Variants in NAALADL2 observed in about 807,000 individuals in gnomAD.
NAALADL2 encodes the protein inactive N-acetylated-alpha-linked acidic dipeptidase-like protein 2.
NAALADL2 carries 76 observed loss-of-function variants against 87.2 expected under a neutral mutation model. The ratio of observed to expected loss-of-function variants is 0.87; its 90% CI spans 0.72 to 1.05. NAALADL2 has a LOEUF of 1.05. Ranked by LOEUF, NAALADL2 falls within the 50% of genes least tolerant of loss-of-function variation. NAALADL2 has a pLI of 0.00. For missense variants in NAALADL2, 1,089 were observed against 945.8 expected (o/e 1.15, Z -1.99); for synonymous variants, 354 against 331.0 (o/e 1.07, Z -0.75).
intron 2 of NAALADL2, among the ~76,000 whole-genome samples, chr3:174,721,052 A>C (rs1206769769): frequency 6.6e-6 from 1 of 152,008 alleles, no homozygotes; most frequent in Non-Finnish European, 1.5e-5. Context: ...ATAATATATC[A>C]TTTTTGAGTA....
chr3:175,219,901 G>A (rs1458758819), intron 2 of NAALADL2, among the ~76,000 whole-genome samples: 1 of 143,336 alleles, frequency 7.0e-6, no homozygotes, highest in African/African-American at 2.6e-5. Flanking sequence ...TTCAACAAGT[G>A]TATTTGATAT....
intron 2 of NAALADL2, among the ~76,000 whole-genome samples, chr3:174,729,634 T>G (rs528140952): frequency 7.9e-4 from 120 of 152,152 alleles, no homozygotes; most frequent in African/African-American, 2.8e-3. Flanking sequence ...ACTATGCAAA[T>G]TTTACAAAGC....
chr3:174,600,675 G>C (rs1230902693), intron 2 of NAALADL2, among the ~76,000 whole-genome samples: 1 of 152,116 alleles, frequency 6.6e-6, no homozygotes, highest in Non-Finnish European at 1.5e-5. Context: ...GGCTGTACAG[G>C]AACTATGGCT....
chr3:174,850,480 T>C (rs1325356029), intron 3 of NAALADL2, among the ~76,000 whole-genome samples: 1 of 152,140 alleles, frequency 6.6e-6, no homozygotes, highest in Non-Finnish European at 1.5e-5. Flanking sequence ...GTATTTATGT[T>C]AGATAAAATA....
At chr3:175,601,446 T>C (rs966916354) in intron 10 of NAALADL2, among the ~76,000 whole-genome samples, 2 of 152,204 alleles carry the variant, frequency 1.3e-5, no homozygotes, top group African/African-American at 4.8e-5. Context: ...CCACTTTATT[T>C]TGATAAAGTG....
intron 2 of NAALADL2, among the ~76,000 whole-genome samples, chr3:174,552,795 C>CAAAAAAAA (rs1164243901): frequency 3.0e-4 from 17 of 55,994 alleles, no homozygotes; most frequent in African/African-American, 7.8e-4. Context: ...GACCCTGCCT[C>CAAAAAAAA]AAAAAAAAAA....
At chr3:174,798,055 A>C (rs1718351471) in intron 3 of NAALADL2, among the ~76,000 whole-genome samples, 1 of 152,158 alleles carries the variant, frequency 6.6e-6, no homozygotes, top group African/African-American at 2.4e-5. Context: ...TGGAAGACCA[A>C]CTGTGTTCTC....
chr3:175,165,735 T>A (rs1391097281), intron 2 of NAALADL2, among the ~76,000 whole-genome samples: 1 of 152,144 alleles, frequency 6.6e-6, no homozygotes, highest in Non-Finnish European at 1.5e-5. Context: ...GCACATACCC[T>A]GTCATGGGAT....
chr3:175,539,451 AAAC>A (rs140032635), intron 9 of NAALADL2, among the ~76,000 whole-genome samples: 1 of 152,314 alleles, frequency 6.6e-6, no homozygotes, highest in East Asian at 1.9e-4. Flanking sequence ...AACATTGTGT[AAAC>A]AAATATAAGT....
At chr3:175,500,586 C>A (rs1729402793) in intron 9 of NAALADL2, among the ~76,000 whole-genome samples, 1 of 151,866 alleles carries the variant, frequency 6.6e-6, no homozygotes, top group Non-Finnish European at 1.5e-5. Context: ...AAATAAAAGC[C>A]CTGTGCTCTA....
intron 1 of NAALADL2, among the ~76,000 whole-genome samples, chr3:175,084,912 A>G (rs571496677): frequency 3.0e-4 from 45 of 152,324 alleles, no homozygotes; most frequent in African/African-American, 6.7e-4. Context: ...ACGTGAGGAC[A>G]GAGTATAGAG....
At chr3:175,799,400 T>C (rs1443804673) in intron 13 of NAALADL2, among the ~76,000 whole-genome samples, 7 of 152,114 alleles carry the variant, frequency 4.6e-5, no homozygotes, top group African/African-American at 1.4e-4. Flanking sequence ...CTAAATGACT[T>C]TTTCATCATT....
chr3:174,736,566 T>C (rs1206558425), intron 2 of NAALADL2, among the ~76,000 whole-genome samples: 1 of 152,132 alleles, frequency 6.6e-6, no homozygotes, highest in Non-Finnish European at 1.5e-5. Flanking sequence ...AGTTCCTGTC[T>C]GTAGGCAGGT....
chr3:175,682,252 G>GA (rs1397859944), intron 11 of NAALADL2, among the ~76,000 whole-genome samples: 3 of 151,738 alleles, frequency 2.0e-5, no homozygotes, highest in African/African-American at 7.3e-5. Context: ...ATTCTATGTA[G>GA]AAAAAATTGT....
At chr3:174,767,908 C>CA (rs1319445472) in intron 3 of NAALADL2, among the ~76,000 whole-genome samples, 3 of 152,100 alleles carry the variant, frequency 2.0e-5, no homozygotes, top group Non-Finnish European at 4.4e-5. Context: ...TGTCAATGTT[C>CA]AAAACTGAGA....
chr3:175,311,948 A>G (rs1243410012), intron 4 of NAALADL2, among the ~76,000 whole-genome samples: 1 of 152,164 alleles, frequency 6.6e-6, no homozygotes, highest in Admixed American at 6.6e-5. Flanking sequence ...TGTTCAGTGA[A>G]TTTGAAGAAG....
intron 1 of NAALADL2, among the ~76,000 whole-genome samples, chr3:175,069,088 G>A (rs1325904653): frequency 1.3e-5 from 2 of 151,766 alleles, no homozygotes; most frequent in Non-Finnish European, 2.9e-5. Flanking sequence ...TACCATTCAG[G>A]ACATAGGCAT....
intron 10 of NAALADL2, among the ~76,000 whole-genome samples, chr3:175,623,806 G>A (rs565609213): frequency 1.5e-4 from 23 of 152,096 alleles, no homozygotes; most frequent in African/African-American, 5.5e-4. Context: ...AAACAAAAAT[G>A]CTCCTGAGTT....
intron 5 of NAALADL2, among the ~76,000 whole-genome samples, chr3:175,376,092 T>C (rs1279863409): frequency 1.3e-5 from 2 of 152,162 alleles, no homozygotes; most frequent in Non-Finnish European, 2.9e-5. Flanking sequence ...ATTCAGCAAT[T>C]GCTATAGACC....
Sources: gnomAD v4.1 joint callset for allele counts (sites outside exome capture counted in the v4.1 genomes callset) on GRCh38, gnomAD v4.1.1 for gene constraint, MANE v1.5 for transcripts, NCBI Gene and HGNC (gene_info 2026-07-23, HGNC 2026-07-21) for gene names.